DST: variants seen among roughly 807,000 people sequenced by gnomAD.
The protein encoded by DST is bullous pemphigoid antigen.
In DST, 253 loss-of-function variants were observed where a neutral mutation model predicts 875.2. That is an observed-to-expected ratio of 0.29 (90% CI 0.26 to 0.32). The LOEUF (loss-of-function observed/expected upper bound fraction) is 0.32, where lower values mean the gene tolerates loss of function less well. DST is among the 10% of genes least tolerant of loss of function. DST has a pLI of 1.00. For missense variants in DST, 8,287 were observed against 9,111.6 expected, an observed-to-expected ratio of 0.91 and a Z score of 3.68; for synonymous variants, 3,124 against 3,197.1, an observed-to-expected ratio of 0.98 and a Z score of 0.77.
In DST at chr6:56,640,317, T is replaced by C. The variant is rs186557063; in HGVS notation, c.2316A>G (p.Ser772=). The change falls in exon 18 of 104, where the codon TCA becomes TCG. Residue 772 remains serine (S), a synonymous_variant. Coordinates refer to ENST00000680361, the MANE Select transcript of DST (RefSeq NM_001374736.1). ...CTGAACTGAAATTTGGAACTAATCC[T>C]GATGGGAAACCAGGTGTATAAGCTG... is the stretch of plus-strand genomic sequence containing the variant. ...VTPAYTPGFP[S]GLVPNFSSGV... The C allele has an allele frequency of 1.2e-5, 20 of 1,614,176 alleles. No individual in the cohort carries two copies. Among genetic ancestry groups the C allele is most frequent in the Admixed American group, 5.0e-5 (3 of 60,024 alleles).
chr6:56,561,544 T>C lies in DST; in HGVS notation c.14074A>G (p.Thr4692Ala). The change falls in exon 57 of 104, where the codon ACA (threonine) becomes GCA (alanine). Residue 4692 changes from threonine to alanine, a missense_variant. Coordinates refer to ENST00000680361, the MANE Select transcript of DST (RefSeq NM_001374736.1). ...TEEFWANKGL[T>A]SIKKDMTDIS... ...TCAGTCATGTCCTTTTTAATGGATG[T>C]TAAACCTAGGAGTAAGAAAAACAAC... 6.2e-7 allele frequency: 1 copy of C among 1,611,794 alleles called. No individual in the cohort carries two copies. Among genetic ancestry groups the C allele is most frequent in the Non-Finnish European group, 8.5e-7 (1 of 1,178,764 alleles).
At chr6:56,717,837 G>C (rs552494856) in intron 5 of DST, among the ~76,000 whole-genome samples, 1 of 152,236 alleles carries the variant, frequency 6.6e-6, no homozygotes, top group East Asian at 1.9e-4. Flanking sequence ...AAAACCCCAA[G>C]CCTCTGAATT....
At chr6:56,785,534 C>T (rs1564171227) in intron 4 of DST, among the ~76,000 whole-genome samples, 1 of 152,178 alleles carries the variant, frequency 6.6e-6, no homozygotes, top group Admixed American at 6.5e-5. Context: ...GATATCATCT[C>T]CTGGTGCACC....
At position 56,561,385 on chromosome 6, in the gene DST, T is replaced by C. The variant is rs2152566670; in HGVS notation, c.14233A>G (p.Lys4745Glu). 1.9e-6 allele frequency: 3 copies of C among 1,613,906 alleles called. No homozygotes were observed. The highest frequency in any genetic ancestry group is 2.5e-6 in the Non-Finnish European group (3 of 1,179,812). The change falls in exon 57 of 104, where the codon AAA (lysine) becomes GAA (glutamate). Residue 4745 changes from lysine to glutamate, a missense_variant. Physicochemically the swap from Lys to Glu is moderately conservative, Grantham distance 56. Coordinates refer to ENST00000680361, the MANE Select transcript of DST (RefSeq NM_001374736.1). Reference sequence around the variant, plus strand: ...GTCTGCTGCCATTTTGTTGCAGTTTTGTTCATTTTCTGTAACCACTGCATC... The same window carrying C: ...GTCTGCTGCCATTTTGTTGCAGTTTCGTTCATTTTCTGTAACCACTGCATC... The part of the protein sequence containing the change: ...AMMQWLQKMN[K>E]TATKWQQTPA...
At chr6:56,554,146 G>A (rs548446433) in intron 60 of DST, among the ~76,000 whole-genome samples, 16 of 138,602 alleles carry the variant, frequency 1.2e-4, no homozygotes, top group Admixed American at 9.4e-4. Flanking sequence ...GTGTTGAGGC[G>A]CTATCTCAGC....
intron 4 of DST, among the ~76,000 whole-genome samples, chr6:56,775,887 C>T (rs2099678070): frequency 6.6e-6 from 1 of 152,100 alleles, no homozygotes; most frequent in Non-Finnish European, 1.5e-5. Flanking sequence ...CACAAAAATC[C>T]AAACAATTTA....
chr6:56,810,224 C>T (rs1427113887), intron 4 of DST, among the ~76,000 whole-genome samples: 4 of 152,124 alleles, frequency 2.6e-5, no homozygotes, highest in African/African-American at 4.8e-5. Flanking sequence ...ATGAAAAGAT[C>T]GCTTGAGCCC....
At chr6:56,546,277 G>GA (rs1181011757) in intron 61 of DST, among the ~76,000 whole-genome samples, 6 of 141,914 alleles carry the variant, frequency 4.2e-5, no homozygotes, top group Admixed American at 1.5e-4. Flanking sequence ...TGGTGACAGT[G>GA]AAAAAAAATT....
intron 2 of DST, among the ~76,000 whole-genome samples, chr6:56,951,985 A>AT (rs1459144454): frequency 6.6e-6 from 1 of 151,866 alleles, no homozygotes; most frequent in African/African-American, 2.4e-5. Flanking sequence ...TTTTTCATTC[A>AT]TTCATTCAAT....
intron 37 of DST, 114 bp from the exon 38 acceptor site, chr6:56,611,710 G>A: frequency 1.5e-6 from 1 of 681,922 alleles, no homozygotes; most frequent in Non-Finnish European, 2.5e-6. Flanking sequence ...TATTTTCTGG[G>A]TGACCCAAGT....
chr6:56,539,018 G>A (rs1028947145), intron 61 of DST, among the ~76,000 whole-genome samples: 1 of 152,062 alleles, frequency 6.6e-6, no homozygotes, highest in Non-Finnish European at 1.5e-5. Context: ...CAAAAAGTGG[G>A]GGCGGAGGGT....
intron 5 of DST, among the ~76,000 whole-genome samples, chr6:56,728,607 G>C (rs1365551152): frequency 6.6e-6 from 1 of 152,002 alleles, no homozygotes; most frequent in African/African-American, 2.4e-5. Flanking sequence ...ATCCAGGAGG[G>C]AGAGGTTGCA....
chr6:56,754,634 C>T (rs1434470930), intron 4 of DST, among the ~76,000 whole-genome samples: 1 of 151,882 alleles, frequency 6.6e-6, no homozygotes, highest in Admixed American at 6.6e-5. Context: ...GTAAACACAG[C>T]CACTAAAATA....
chr6:56,506,924 C>A, intron 75 of DST, 135 bp from the exon 76 acceptor site: 5 of 947,408 alleles, frequency 5.3e-6, no homozygotes, highest in South Asian at 3.7e-5. Flanking sequence ...TAAGTTTCTG[C>A]AATAAATTTT....
intron 4 of DST, among the ~76,000 whole-genome samples, chr6:56,801,600 G>C (rs2099746972): frequency 6.6e-6 from 1 of 151,968 alleles, no homozygotes; most frequent in Non-Finnish European, 1.5e-5. Context: ...TAACTACATG[G>C]AGAACCCAAA....
At chr6:56,669,319 AAT>A in intron 10 of DST, among the ~76,000 whole-genome samples, 1 of 151,530 alleles carries the variant, frequency 6.6e-6, no homozygotes, top group African/African-American at 2.4e-5. Flanking sequence ...GAGGTAAAGA[AAT>A]ATATAGTTTT....
At chr6:56,589,611 A>AT (rs1324986402) in intron 49 of DST, among the ~76,000 whole-genome samples, 2 of 152,210 alleles carry the variant, frequency 1.3e-5, no homozygotes, top group Admixed American at 1.3e-4. Flanking sequence ...GAAGGCTGAC[A>AT]TTGTCAGTCA....
intron 4 of DST, among the ~76,000 whole-genome samples, chr6:56,813,239 TG>T (rs1456040933): frequency 2.1e-5 from 1 of 48,418 alleles, no homozygotes; most frequent in Non-Finnish European, 3.7e-5. Flanking sequence ...TGTTGTGGGG[TG>T]GGGGGAGGGG....
intron 9 of DST, chr6:56,692,639 G>A (rs756482894): frequency 1.6e-6 from 2 of 1,289,702 alleles, no homozygotes; most frequent in Non-Finnish European, 2.0e-6. Flanking sequence ...GTTTTTTCCT[G>A]GAATGTTATT....
Sources: allele counts gnomAD v4.1 joint callset (sites outside exome capture counted in the v4.1 genomes callset), GRCh38; gene constraint gnomAD v4.1.1; transcripts MANE v1.5; gene names NCBI Gene and HGNC (gene_info 2026-07-23, HGNC 2026-07-21).